The following DIP2C variants were observed in gnomAD, a reference collection of about 807,000 sequenced individuals.
DIP2C encodes the protein DIP2 acetate--CoA ligase C (putative).
Under a neutral mutation model 192.4 loss-of-function variants are expected in DIP2C, and 33 were observed. The observed-to-expected ratio is 0.17, with a 90% CI of 0.13 to 0.23. DIP2C has a LOEUF of 0.23. DIP2C is among the 10% of genes least tolerant of loss of function. The pLI is 1.00. For synonymous variants in DIP2C, 979 were observed against 864.1 expected (o/e 1.13, Z -2.33); for missense variants, 1,537 against 2,110.1 (o/e 0.73, Z 5.32).
At chr10:570,337 C>T (rs1265196410) in intron 1 of DIP2C, among the ~76,000 whole-genome samples, 2 of 152,208 alleles carry the variant, frequency 1.3e-5, no homozygotes, top group East Asian at 1.9e-4. Flanking sequence ...GCACAGGGCC[C>T]TGCTGACACA....
chr10:348,617 C>T, intron 26 of DIP2C, 24 bp downstream of exon 26: 2 of 1,608,588 alleles, frequency 1.2e-6, no homozygotes, highest in South Asian at 1.1e-5. Flanking sequence ...CAGGTGGAGG[C>T]CCCGACATTC....
At chr10:435,258 C>T (rs1028386716) in intron 4 of DIP2C, among the ~76,000 whole-genome samples, 3 of 152,160 alleles carry the variant, frequency 2.0e-5, no homozygotes, top group Non-Finnish European at 2.9e-5. Flanking sequence ...GATAAAACCC[C>T]ACCAGGTTAG....
intron 1 of DIP2C, among the ~76,000 whole-genome samples, chr10:638,780 A>G (rs1410101786): frequency 6.6e-6 from 1 of 152,234 alleles, no homozygotes; most frequent in East Asian, 1.9e-4. Flanking sequence ...AGAAGGCTGA[A>G]GTCTGCAGGG....
intron 3 of DIP2C, among the ~76,000 whole-genome samples, chr10:471,865 G>C (rs1970656616): frequency 6.6e-6 from 1 of 152,096 alleles, no homozygotes; most frequent in Non-Finnish European, 1.5e-5. Flanking sequence ...CATTTCTCCT[G>C]CCTCAGCCTG....
intron 1 of DIP2C, among the ~76,000 whole-genome samples, chr10:600,530 T>C (rs368611658): frequency 2.2e-3 from 264 of 120,392 alleles, no homozygotes; most frequent in African/African-American, 0.011. Context: ...CCACAAGCCC[T>C]GTCCACCTTA....
chr10:278,477 T>C (rs1954641849), intron 36 of DIP2C, among the ~76,000 whole-genome samples: 1 of 152,128 alleles, frequency 6.6e-6, no homozygotes, highest in Non-Finnish European at 1.5e-5. Context: ...GGCCCTTGGG[T>C]CCGGAGGATA....
chr10:467,236 A>G (rs1970277658), intron 3 of DIP2C, among the ~76,000 whole-genome samples: 5 of 152,196 alleles, frequency 3.3e-5, no homozygotes. Context: ...TTGTAGGGAC[A>G]TGGATGAAAT....
At position 579,751 on chromosome 10, in the gene DIP2C, A is replaced by G. The variant is rs559634895; in HGVS notation, c.86-93221T>C. ...ATACAGCATACATAGGTACACTATA[A>G]TGTATGTACATGCAGAGCATACACA... On this transcript the variant is annotated intron_variant, in intron 1 of 36. Coordinates refer to ENST00000280886, the MANE Select transcript of DIP2C (RefSeq NM_014974.3). 1.1e-4 allele frequency among the ~76,000 whole-genome samples: 17 copies of G among 152,160 alleles called. No homozygotes were observed. In the East Asian group the frequency reaches 3.3e-3, roughly 29 times the overall value.
At chr10:671,581 G>A (rs1156404234) in intron 1 of DIP2C, among the ~76,000 whole-genome samples, 1 of 83,330 alleles carries the variant, frequency 1.2e-5, no homozygotes, top group Non-Finnish European at 2.3e-5. Context: ...ACGCACGGAC[G>A]GAGGAAACGT....
At chr10:672,233 CCACAGATG>C (rs1411563659) in intron 1 of DIP2C, among the ~76,000 whole-genome samples, 5 of 151,568 alleles carry the variant, frequency 3.3e-5, no homozygotes, top group Non-Finnish European at 7.4e-5. Flanking sequence ...GGAAGAAACA[CCACAGATG>C]CACGGATGGA....
At position 641,952 on chromosome 10, in the gene DIP2C, G is replaced by C. The variant is rs554368033; in HGVS notation, c.85+47542C>G. 2.6e-5 allele frequency among the ~76,000 whole-genome samples: 4 copies of C among 152,202 alleles called. No homozygotes were observed. The South Asian group carries it at 8.3e-4, about 32-fold the overall frequency. On this transcript the variant is annotated intron_variant, in intron 1 of 36. Coordinates refer to ENST00000280886, the MANE Select transcript of DIP2C (RefSeq NM_014974.3). ...GTGGGAGGATCACCTGAGCCCAGGA[G>C]GCAGAGGTTGCAGGGAGCCAAGATT...
intron 35 of DIP2C, 49 bp from the exon 36 acceptor site, chr10:281,372 G>A: frequency 1.9e-6 from 3 of 1,545,472 alleles, no homozygotes; most frequent in Non-Finnish European, 2.6e-6. Context: ...TGCCGCTCAA[G>A]CCGTTTCCTT....
At chr10:481,263 C>T (rs941446202) in intron 2 of DIP2C, among the ~76,000 whole-genome samples, 2 of 152,230 alleles carry the variant, frequency 1.3e-5, no homozygotes, top group Non-Finnish European at 2.9e-5. Context: ...AACAAAATGG[C>T]ATTTACGTAC....
intron 13 of DIP2C, 84 bp from the exon 14 acceptor site, chr10:387,893 C>A: frequency 1.5e-6 from 2 of 1,357,562 alleles, no homozygotes; most frequent in Non-Finnish European, 1.1e-6. Context: ...AATATTGCAT[C>A]AGGGGAAATA....
chr10:357,681 C>T (rs753455751), intron 23 of DIP2C, 147 bp downstream of exon 23: 69 of 582,918 alleles, frequency 1.2e-4, no homozygotes, highest in Non-Finnish European at 1.7e-4. Flanking sequence ...CGGGGACTGT[C>T]GGGGACGGTT....
intron 1 of DIP2C, among the ~76,000 whole-genome samples, chr10:533,699 A>G (rs560753448): frequency 4.8e-4 from 73 of 151,940 alleles, no homozygotes; most frequent in Admixed American, 1.8e-3. Context: ...TCCACAGGGA[A>G]ATTTCTCATG....
At chr10:345,487 G>A (rs921177569) in intron 26 of DIP2C, among the ~76,000 whole-genome samples, 12 of 138,170 alleles carry the variant, frequency 8.7e-5, no homozygotes, top group African/African-American at 2.2e-4. Flanking sequence ...CAGGCACATC[G>A]CGCACAGTTC....
At chr10:424,281 T>A (rs1269299384) in intron 4 of DIP2C, among the ~76,000 whole-genome samples, 1 of 121,306 alleles carries the variant, frequency 8.2e-6, no homozygotes, top group Non-Finnish European at 1.7e-5. Flanking sequence ...TTATGCTGTC[T>A]GGGAATTTTT....
Position 575,927 on chromosome 10 carries a change from A to G in DIP2C, c.86-89397T>C, listed in dbSNP as rs187912829. 3.7e-3 allele frequency among the ~76,000 whole-genome samples: 564 copies of G among 152,286 alleles called. 3 individuals are homozygous for G. The highest frequency in any genetic ancestry group is 0.017 in the Middle Eastern group (5 of 294). On this transcript the variant is annotated intron_variant, in intron 1 of 36. Transcript: ENST00000280886. ...TGGTAACAGCTGAGCTCGCACTTTC[A>G]GGATTTCAGTGGTTTTGTGTCTGTC...
Sources: gnomAD v4.1 joint callset for allele counts (sites outside exome capture counted in the v4.1 genomes callset) on GRCh38, gnomAD v4.1.1 for gene constraint, MANE v1.5 for transcripts, NCBI Gene and HGNC (gene_info 2026-07-23, HGNC 2026-07-21) for gene names.